The following FYN variants were observed in gnomAD, a reference collection of about 807,000 sequenced individuals.
The protein encoded by FYN is FYN proto-oncogene, Src family tyrosine kinase.
In FYN, 10 loss-of-function variants were observed where a neutral mutation model predicts 70.2. That is an observed-to-expected ratio of 0.14 (90% CI 0.09 to 0.24). The LOEUF is 0.24. Ranked by LOEUF, FYN falls within the 10% of genes least tolerant of loss-of-function variation. The pLI, the probability that FYN is intolerant of heterozygous loss-of-function variation, is 1.00. For missense variants in FYN, 319 were observed against 673.1 expected, an observed-to-expected ratio of 0.47 and a Z score of 5.82; for synonymous variants, 236 against 248.6, an observed-to-expected ratio of 0.95 and a Z score of 0.48.
At chr6:111,761,880 A>G (rs534922874) in intron 3 of FYN, among the ~76,000 whole-genome samples, 2 of 152,334 alleles carry the variant, frequency 1.3e-5, no homozygotes, top group East Asian at 3.9e-4. Flanking sequence ...TGGACAGGCT[A>G]TCTGCATCCA....
At chr6:111,664,357 C>T (rs1474849600) in intron 13 of FYN, among the ~76,000 whole-genome samples, 1 of 152,114 alleles carries the variant, frequency 6.6e-6, no homozygotes, top group South Asian at 2.1e-4. Context: ...CTGAGTGCCT[C>T]CCTCCAAAAT....
intron 2 of FYN, among the ~76,000 whole-genome samples, chr6:111,843,774 T>A (rs1773434765): frequency 6.6e-6 from 1 of 152,202 alleles, no homozygotes; most frequent in African/African-American, 2.4e-5. Context: ...TGATAAAGCC[T>A]GCAGTTCCAC....
chr6:111,821,989 G>C (rs1772679484), intron 2 of FYN, among the ~76,000 whole-genome samples: 1 of 152,186 alleles, frequency 6.6e-6, no homozygotes. Context: ...AACAGGTGCT[G>C]GAGAGAATGT....
At chr6:111,738,882 T>G (rs1269274574) in intron 3 of FYN, among the ~76,000 whole-genome samples, 3 of 152,120 alleles carry the variant, frequency 2.0e-5, no homozygotes, top group African/African-American at 7.2e-5. Flanking sequence ...AACTTCTTCT[T>G]GGTGGGGCGG....
At chr6:111,800,442 G>A (rs892195275) in intron 2 of FYN, among the ~76,000 whole-genome samples, 1 of 152,112 alleles carries the variant, frequency 6.6e-6, no homozygotes, top group East Asian at 1.9e-4. Context: ...TGGAGCAGGA[G>A]GGATGGACAC....
rs934501065 is a variant in FYN, at chr6:111,832,696, AT to A, written c.-82+13892del. Among the ~76,000 whole-genome samples the A allele has an allele frequency of 2.8e-4, 43 of 151,764 alleles. 1 individual carries two copies. Among genetic ancestry groups the A allele is most frequent in the African/African-American group, 1.0e-3 (43 of 41,396 alleles). On this transcript the variant is annotated intron_variant, in intron 2 of 13. Transcript: ENST00000354650. ...AATGGGGAACATTGAGGTTTTTTCC[AT>A]TTTTTTTGGCCAAAAACAACATTTC...
At chr6:111,668,368 C>A (rs1197505782) in intron 13 of FYN, among the ~76,000 whole-genome samples, 1 of 152,140 alleles carries the variant, frequency 6.6e-6, no homozygotes, top group Non-Finnish European at 1.5e-5. Context: ...TGCCAGATAA[C>A]CTCAGGACAG....
At chr6:111,709,545 C>A (rs1800269247) in intron 5 of FYN, among the ~76,000 whole-genome samples, 1 of 152,162 alleles carries the variant, frequency 6.6e-6, no homozygotes, top group South Asian at 2.1e-4. Flanking sequence ...GTTTTTAAAA[C>A]CTTATGCTTT....
At chr6:111,853,113 G>A (rs1479092464) in intron 1 of FYN, among the ~76,000 whole-genome samples, 1 of 133,480 alleles carries the variant, frequency 7.5e-6, no homozygotes, top group East Asian at 2.0e-4. Flanking sequence ...TACTTAAAAA[G>A]TCTTCATCTA....
At chr6:111,798,597 G>A (rs1413532931) in intron 2 of FYN, among the ~76,000 whole-genome samples, 1 of 152,184 alleles carries the variant, frequency 6.6e-6, no homozygotes, top group Non-Finnish European at 1.5e-5. Flanking sequence ...TGCGGTGGAA[G>A]TCTGGGCTGG....
chr6:111,754,258 T>C (rs1802613631), intron 3 of FYN, among the ~76,000 whole-genome samples: 1 of 152,180 alleles, frequency 6.6e-6, no homozygotes, highest in African/African-American at 2.4e-5. Flanking sequence ...GTTTACTTTC[T>C]TGATGGTTGG....
chr6:111,800,002 A>G (rs1771934443), intron 2 of FYN, among the ~76,000 whole-genome samples: 2 of 152,156 alleles, frequency 1.3e-5, no homozygotes, highest in East Asian at 3.8e-4. Flanking sequence ...GAAGGACACG[A>G]GTGTGCCATG....
At chr6:111,741,116 G>T (rs920890813) in intron 3 of FYN, 6 of 149,706 alleles carry the variant, frequency 4.0e-5, no homozygotes, top group Admixed American at 2.7e-4. Flanking sequence ...AAAAAAAAAA[G>T]AAAGAAAGGT....
At chr6:111,741,319 G>A (rs1014018316) in intron 3 of FYN, among the ~76,000 whole-genome samples, 2 of 152,126 alleles carry the variant, frequency 1.3e-5, no homozygotes, top group Non-Finnish European at 2.9e-5. Context: ...TACCCATAAT[G>A]CCCAAAACTG....
At chr6:111,820,797 A>C (rs1772632951) in intron 2 of FYN, among the ~76,000 whole-genome samples, 2 of 152,298 alleles carry the variant, frequency 1.3e-5, no homozygotes, top group East Asian at 3.9e-4. Flanking sequence ...ATGCTGGGAA[A>C]TACCAACATT....
At chr6:111,746,672 A>G (rs1194975611) in intron 3 of FYN, among the ~76,000 whole-genome samples, 6 of 152,204 alleles carry the variant, frequency 3.9e-5, no homozygotes, top group Non-Finnish European at 5.9e-5. Flanking sequence ...AAAAAAGAAA[A>G]GGCATGGGTG....
At chr6:111,809,846 C>T (rs1772268157) in intron 2 of FYN, among the ~76,000 whole-genome samples, 1 of 151,968 alleles carries the variant, frequency 6.6e-6, no homozygotes. Context: ...TATATTTTCC[C>T]TTAAAAAGGT....
At chr6:111,869,204 C>T (rs1003982999) in intron 1 of FYN, among the ~76,000 whole-genome samples, 3 of 152,206 alleles carry the variant, frequency 2.0e-5, no homozygotes, top group South Asian at 2.1e-4. Context: ...ACTTAACCTC[C>T]GTGGAATATG....
chr6:111,680,459 C>T (rs772558628), intron 12 of FYN, among the ~76,000 whole-genome samples: 14 of 152,346 alleles, frequency 9.2e-5, no homozygotes, highest in South Asian at 2.1e-4. Context: ...CCATCCTAAG[C>T]GCAACAGAAA....
Sources: gnomAD v4.1 joint callset for allele counts (sites outside exome capture counted in the v4.1 genomes callset) on GRCh38, gnomAD v4.1.1 for gene constraint, MANE v1.5 for transcripts, NCBI Gene and HGNC (gene_info 2026-07-23, HGNC 2026-07-21) for gene names.